WDR70: variants seen among roughly 807,000 people sequenced by gnomAD.
WDR70 encodes WD repeat-containing protein 70.
WDR70 carries 53 observed loss-of-function variants against 88.6 expected under a neutral mutation model. The observed-to-expected ratio is 0.60, with a 90% confidence interval of 0.48 to 0.75. The LOEUF is 0.75. Among genes scored for constraint, WDR70 ranks in the 30% least tolerant of loss-of-function variants. The pLI, the probability that WDR70 is intolerant of heterozygous loss-of-function variation, is 0.00. For missense variants in WDR70, 610 were observed against 823.2 expected, an observed-to-expected ratio of 0.74 and a Z score of 3.17; for synonymous variants, 280 against 270.0, an observed-to-expected ratio of 1.04 and a Z score of -0.36.
intron 8 of WDR70, among the ~76,000 whole-genome samples, chr5:37,493,973 C>T (rs1404037509): frequency 1.3e-5 from 2 of 152,054 alleles, no homozygotes; most frequent in African/African-American, 2.4e-5. Flanking sequence ...TGCCCACCAC[C>T]ATGCCTGGCT....
intron 13 of WDR70, among the ~76,000 whole-genome samples, chr5:37,719,460 T>A (rs1218624253): frequency 6.6e-6 from 1 of 152,106 alleles, no homozygotes; most frequent in Non-Finnish European, 1.5e-5. Flanking sequence ...TTTTAGAACT[T>A]GCTAGCCTGG....
At chr5:37,656,074 G>T (rs1745546462) in intron 10 of WDR70, among the ~76,000 whole-genome samples, 1 of 152,006 alleles carries the variant, frequency 6.6e-6, no homozygotes, top group African/African-American at 2.4e-5. Context: ...CATCTGTGAG[G>T]ATTTATCTAC....
intron 5 of WDR70, among the ~76,000 whole-genome samples, chr5:37,399,019 C>T (rs911808360): frequency 6.6e-6 from 1 of 152,202 alleles, no homozygotes; most frequent in African/African-American, 2.4e-5. Flanking sequence ...TGGCTCACGC[C>T]TGTAATCCCA....
At chr5:37,499,053 A>G (rs1269295464) in intron 8 of WDR70, among the ~76,000 whole-genome samples, 1 of 151,014 alleles carries the variant, frequency 6.6e-6, no homozygotes, top group Non-Finnish European at 1.5e-5. Flanking sequence ...GTGGGATCCC[A>G]TTGTTGTTTT....
chr5:37,467,406 C>G (rs1739189078), intron 7 of WDR70, among the ~76,000 whole-genome samples: 1 of 152,038 alleles, frequency 6.6e-6, no homozygotes, highest in African/African-American at 2.4e-5. Flanking sequence ...GCTCTAGTGT[C>G]TCTTCTTATA....
At chr5:37,623,597 A>C (rs1465119538) in intron 10 of WDR70, among the ~76,000 whole-genome samples, 1 of 152,168 alleles carries the variant, frequency 6.6e-6, no homozygotes, top group African/African-American at 2.4e-5. Context: ...CATAGAGCTC[A>C]AGTTAATACC....
chr5:37,575,032 A>G (rs73749070), intron 9 of WDR70, among the ~76,000 whole-genome samples: 2,317 of 152,236 alleles, frequency 0.015, 52 homozygotes, highest in African/African-American at 0.053. Context: ...AGAATCCCCT[A>G]GAATGAAAGC....
chr5:37,485,811 C>T (rs1739846440), intron 8 of WDR70, among the ~76,000 whole-genome samples: 1 of 151,008 alleles, frequency 6.6e-6, no homozygotes. Context: ...CCTGCCTTAG[C>T]CTCCCGAGTA....
chr5:37,446,409 T>A (rs1231251413), intron 7 of WDR70, among the ~76,000 whole-genome samples: 2 of 152,128 alleles, frequency 1.3e-5, no homozygotes, highest in Non-Finnish European at 2.9e-5. Flanking sequence ...AAGCTACCAA[T>A]GACTTTCTTC....
intron 10 of WDR70, among the ~76,000 whole-genome samples, chr5:37,610,956 C>T (rs1744175701): frequency 6.6e-6 from 1 of 152,156 alleles, no homozygotes; most frequent in South Asian, 2.1e-4. Flanking sequence ...CTTGAATCTT[C>T]TCTTTTAGAA....
chr5:37,439,376 A>G (rs967894482), intron 6 of WDR70, among the ~76,000 whole-genome samples: 4 of 152,020 alleles, frequency 2.6e-5, no homozygotes, highest in African/African-American at 9.7e-5. Flanking sequence ...ATGGAATTCT[A>G]CTTTTTGTGT....
At chr5:37,438,054 C>T (rs1337332339) in intron 6 of WDR70, 73 bp downstream of exon 6, 2 of 1,311,564 alleles carry the variant, frequency 1.5e-6, no homozygotes, top group East Asian at 2.5e-5. Flanking sequence ...TGATAAGATA[C>T]ATTTGTATTA....
intron 10 of WDR70, among the ~76,000 whole-genome samples, chr5:37,649,733 CTTTTTTTTT>C (rs70978834): frequency 5.8e-5 from 4 of 68,738 alleles, no homozygotes; most frequent in Non-Finnish European, 9.9e-5. Context: ...GTTATTACTT[CTTTTTTTTT>C]TTTTTTTTTT....
chr5:37,449,384 G>C (rs1304310168), intron 7 of WDR70, among the ~76,000 whole-genome samples: 1 of 152,024 alleles, frequency 6.6e-6, no homozygotes, highest in Non-Finnish European at 1.5e-5. Context: ...CTGAGGTCAG[G>C]AGTTCAAGAC....
intron 5 of WDR70, among the ~76,000 whole-genome samples, chr5:37,426,698 G>C (rs1255938597): frequency 6.6e-6 from 1 of 152,046 alleles, no homozygotes; most frequent in Non-Finnish European, 1.5e-5. Context: ...AGACAACAAG[G>C]GTGTGAATAT....
intron 7 of WDR70, among the ~76,000 whole-genome samples, chr5:37,467,443 C>G (rs184018933): frequency 5.8e-4 from 88 of 151,758 alleles, no homozygotes; most frequent in Non-Finnish European, 1.0e-4. Context: ...CATAGGGGCT[C>G]TATTCTCATG....
intron 17 of WDR70, among the ~76,000 whole-genome samples, chr5:37,746,924 C>T (rs1451152347): frequency 1.3e-5 from 2 of 152,102 alleles, no homozygotes; most frequent in Non-Finnish European, 2.9e-5. Context: ...TTTATGAAGC[C>T]AGCATCATCT....
intron 8 of WDR70, chr5:37,505,552 C>A: frequency 4.7e-6 from 3 of 639,428 alleles, no homozygotes; most frequent in South Asian, 3.8e-5. Flanking sequence ...CCGCTGAGAG[C>A]AAGCATAATT....
At chr5:37,506,917 A>G (rs1389049359) in intron 8 of WDR70, 14 of 863,224 alleles carry the variant, frequency 1.6e-5, no homozygotes, top group Middle Eastern at 3.5e-4. Flanking sequence ...TCCTCCTCCC[A>G]CCTTTTTCTC....
Sources: allele counts gnomAD v4.1 joint callset (sites outside exome capture counted in the v4.1 genomes callset), GRCh38; gene constraint gnomAD v4.1.1; transcripts MANE v1.5; gene names NCBI Gene and HGNC (gene_info 2026-07-23, HGNC 2026-07-21).